Variants in MEIOB observed in about 807,000 individuals in gnomAD.
The protein encoded by MEIOB is meiosis-specific with OB domain-containing protein.
A neutral mutation model predicts 53.1 loss-of-function variants in MEIOB; 50 were observed. That is an observed-to-expected ratio of 0.94 (90% CI 0.75 to 1.19). MEIOB has a LOEUF of 1.19. Among genes scored for constraint, MEIOB ranks in the 50% most tolerant of loss-of-function variants. The pLI is 0.00. For synonymous variants in MEIOB, 192 were observed against 182.5 expected (o/e 1.05, Z -0.42); for missense variants, 551 against 550.8 (o/e 1.00, Z 0.00).
chr16:1,869,743 G>T (rs944037895), intron 1 of MEIOB, among the ~76,000 whole-genome samples: 1 of 151,802 alleles, frequency 6.6e-6, no homozygotes. Context: ...GAGCCACCAC[G>T]CCCGGCCTCA....
intron 9 of MEIOB, among the ~76,000 whole-genome samples, chr16:1,845,749 G>A (rs1328049229): frequency 1.3e-5 from 2 of 152,050 alleles, no homozygotes; most frequent in Non-Finnish European, 2.9e-5. Context: ...CCCCACATTG[G>A]CACATGAGTG....
rs1055611770 is a variant in MEIOB at position 1,861,886 on chromosome 16, G to A, written c.259+99C>T. ...TTCTGATAAAGTTCTTGAGAATTACGAACTGTGTCTCATTTCAACTCCTTC... is the reference window on the plus strand; with the variant it reads ...TTCTGATAAAGTTCTTGAGAATTACAAACTGTGTCTCATTTCAACTCCTTC... On this transcript the variant is annotated intron_variant, in intron 4 of 13. Transcript: ENST00000325962. 8.0e-5 allele frequency: 97 copies of A among 1,215,196 alleles called. No homozygotes were observed. The African/African-American group carries it at 9.0e-4, about 11-fold the overall frequency. 75.3% of individuals were successfully genotyped at this position (1,215,196 alleles called of 1,614,324 possible).
intron 3 of MEIOB, among the ~76,000 whole-genome samples, chr16:1,863,276 C>T (rs1899496901): frequency 6.6e-6 from 1 of 151,950 alleles, no homozygotes; most frequent in Admixed American, 6.6e-5. Flanking sequence ...ACTGCAACCC[C>T]TGCCTCCCAG....
At chr16:1,837,243 G>A (rs905336774) in intron 13 of MEIOB, among the ~76,000 whole-genome samples, 2 of 148,820 alleles carry the variant, frequency 1.3e-5, no homozygotes, top group African/African-American at 2.4e-5. Flanking sequence ...GGTGTGGTGG[G>A]ATTAGGATTC....
intron 9 of MEIOB, among the ~76,000 whole-genome samples, chr16:1,845,443 C>G (rs1454731663): frequency 2.6e-5 from 4 of 152,086 alleles, no homozygotes; most frequent in African/African-American, 9.7e-5. Flanking sequence ...TGGCATGAAC[C>G]TGGGAGGTGG....
Position 1,854,138 on chromosome 16 carries a change from T to C in MEIOB, c.591A>G (p.Arg197=), listed in dbSNP as rs1425710468. The C allele has an allele frequency of 6.4e-7, 1 of 1,551,256 alleles. No individual in the cohort carries two copies. Among genetic ancestry groups the C allele is most frequent in the African/African-American group, 1.4e-5 (1 of 73,024 alleles). ...DRRKGQRCEV[R]LYDETESSFA... is the part of the protein sequence containing the mutation. ...AAGACGACTCTGTTTCATCATAGAG[T>C]CTAACTTCACACCTCTGGCCTTTTC... is the stretch of plus-strand genomic sequence containing the variant. Residue 197 remains arginine (R), a synonymous_variant, in exon 7 of 14, where the codon AGA becomes AGG. Transcript: ENST00000325962.
chr16:1,863,137 G>C (rs1899489840), intron 3 of MEIOB, among the ~76,000 whole-genome samples: 1 of 151,894 alleles, frequency 6.6e-6, no homozygotes, highest in Non-Finnish European at 1.5e-5. Flanking sequence ...AGGAAAGGTT[G>C]CTTGAGCCCA....
At chr16:1,851,606 C>G (rs1438646746) in intron 9 of MEIOB, among the ~76,000 whole-genome samples, 1 of 152,136 alleles carries the variant, frequency 6.6e-6, no homozygotes, top group Non-Finnish European at 1.5e-5. Flanking sequence ...CACATCTCCT[C>G]CCATGGTGCT....
At chr16:1,860,625 A>G (rs1398609046) in intron 4 of MEIOB, 150 bp from the exon 5 acceptor site, 4 of 595,546 alleles carry the variant, frequency 6.7e-6, no homozygotes, top group South Asian at 2.1e-5. Flanking sequence ...TCATCAACAT[A>G]TAACATATTT....
At chr16:1,852,822 C>G (rs1567277095) in intron 9 of MEIOB, among the ~76,000 whole-genome samples, 1 of 152,206 alleles carries the variant, frequency 6.6e-6, no homozygotes, top group Non-Finnish European at 1.5e-5. Context: ...TCCCAAAGTG[C>G]TGGGATTACA....
chr16:1,839,250 T>C lies in MEIOB; in HGVS notation c.1218+5A>G, dbSNP rs753708805. The C allele has an allele frequency of 6.4e-7, 1 of 1,571,038 alleles. No homozygotes were observed. Among genetic ancestry groups the C allele is most frequent in the Non-Finnish European group, 8.6e-7 (1 of 1,160,414 alleles). ...TCTAAACATTTCTTCCTTTTTGCTA[T>C]TTACCGTGCAGCCCAAAGTCTCCTC... On this transcript the variant is annotated splice_donor_5th_base_variant and intron_variant, in intron 12 of 13. Transcript: ENST00000325962.
intron 9 of MEIOB, among the ~76,000 whole-genome samples, chr16:1,847,138 T>G (rs375002855): frequency 6.8e-6 from 1 of 146,168 alleles, no homozygotes; most frequent in Admixed American, 6.8e-5. Context: ...CTGGGCGACA[T>G]AGCAAGACTC....
chr16:1,841,656 G>A (rs1185099203), intron 11 of MEIOB, among the ~76,000 whole-genome samples, 164 bp downstream of exon 11: 1 of 152,006 alleles, frequency 6.6e-6, no homozygotes, highest in Admixed American at 6.6e-5. Flanking sequence ...ATTTTAATCT[G>A]GTTTGCTATG....
At chr16:1,851,719 A>T (rs1899177049) in intron 9 of MEIOB, among the ~76,000 whole-genome samples, 1 of 152,192 alleles carries the variant, frequency 6.6e-6, no homozygotes, top group African/African-American at 2.4e-5. Context: ...TAGTAATTCT[A>T]TCTTTTAAAA....
chr16:1,862,929 T>A (rs995473453), intron 3 of MEIOB, among the ~76,000 whole-genome samples: 2 of 150,824 alleles, frequency 1.3e-5, no homozygotes, highest in African/African-American at 4.9e-5. Context: ...TAAATAATAA[T>A]AAAATAAAAA....
Position 1,865,855 on chromosome 16 carries a change from C to T in MEIOB, c.70-20G>A, listed in dbSNP as rs1488808019. ...AACTTTCTGAAAAACAAAAAGGTCA[C>T]AGAAGACCAATATTAAACACAGATG... On this transcript the variant is annotated intron_variant, in intron 2 of 13. Transcript: ENST00000325962. 1.3e-6 allele frequency: 2 copies of T among 1,518,454 alleles called. No individual in the cohort carries two copies. Among genetic ancestry groups the T allele is most frequent in the Admixed American group, 4.2e-5 (2 of 47,496 alleles). The allele number at this position is 1,518,454 out of a possible 1,614,324, so 94.1% of individuals were successfully genotyped here. A position where few individuals can be genotyped will look rare whatever the true frequency, so the allele number is the denominator to read the frequency against.
At chr16:1,857,713 C>T in intron 6 of MEIOB, 22 bp downstream of exon 6, 1 of 1,547,498 alleles carries the variant, frequency 6.5e-7, no homozygotes. Flanking sequence ...TTGCACTTGG[C>T]TTTGTCGGGG....
chr16:1,838,058 G>A, intron 12 of MEIOB, 188 bp from the exon 13 acceptor site: 1 of 1,103,996 alleles, frequency 9.1e-7, no homozygotes, highest in Non-Finnish European at 1.3e-6. Flanking sequence ...GTGCAGCAGT[G>A]CTATCACAGC....
intron 9 of MEIOB, among the ~76,000 whole-genome samples, chr16:1,849,967 AT>A (rs1567276112): frequency 6.6e-6 from 1 of 152,214 alleles, no homozygotes. Context: ...AATGTATTCA[AT>A]TTTTTGTCAA....
Sources: allele counts gnomAD v4.1 joint callset (sites outside exome capture counted in the v4.1 genomes callset), GRCh38; gene constraint gnomAD v4.1.1; transcripts MANE v1.5; gene names NCBI Gene and HGNC (gene_info 2026-07-23, HGNC 2026-07-21).